R3HDM2: variants seen among roughly 807,000 people sequenced by gnomAD.
R3HDM2 encodes the protein R3H domain-containing protein 2.
R3HDM2 carries 38 observed loss-of-function variants against 124.5 expected under a neutral mutation model. The ratio of observed to expected loss-of-function variants is 0.31; its 90% CI spans 0.24 to 0.40. The LOEUF (loss-of-function observed/expected upper bound fraction) is 0.40, where lower values mean the gene tolerates loss of function less well. Among genes scored for constraint, R3HDM2 ranks in the 10% least tolerant of loss-of-function variants. The probability of loss-of-function intolerance (pLI) is 1.00; values close to 1 mark genes in which losing one functional copy is unlikely to be tolerated. For missense variants in R3HDM2, 869 were observed against 1,236.9 expected, an observed-to-expected ratio of 0.70 and a Z score of 4.46; for synonymous variants, 391 against 448.0, an observed-to-expected ratio of 0.87 and a Z score of 1.61.
At chr12:57,381,047 T>C (rs1381428805) in intron 2 of R3HDM2, among the ~76,000 whole-genome samples, 3 of 151,396 alleles carry the variant, frequency 2.0e-5, no homozygotes, top group African/African-American at 7.3e-5. Flanking sequence ...CTGGCTAACA[T>C]GGTGAAACCC....
chr12:57,289,237 A>G (rs1362265198), intron 11 of R3HDM2, among the ~76,000 whole-genome samples, 197 bp from the exon 12 acceptor site: 1 of 152,182 alleles, frequency 6.6e-6, no homozygotes, highest in African/African-American at 2.4e-5. Flanking sequence ...GAGAAAGAAC[A>G]TCTGGTGGTT....
chr12:57,301,708 C>T (rs1452749713), intron 4 of R3HDM2, among the ~76,000 whole-genome samples: 1 of 152,214 alleles, frequency 6.6e-6, no homozygotes, highest in Non-Finnish European at 1.5e-5. Context: ...TCTTGGCCTT[C>T]TTCAAACTCA....
intron 12 of R3HDM2, among the ~76,000 whole-genome samples, chr12:57,287,051 G>C (rs551636927): frequency 6.6e-6 from 1 of 152,314 alleles, no homozygotes; most frequent in African/African-American, 2.4e-5. Context: ...ACTAAGAGAG[G>C]AAGGGGTGAC....
chr12:57,379,254 A>T (rs760681009), intron 2 of R3HDM2, among the ~76,000 whole-genome samples: 53 of 152,288 alleles, frequency 3.5e-4, no homozygotes, highest in South Asian at 1.2e-3. Context: ...TAAGATGGCA[A>T]ATTCTGTTAT....
intron 2 of R3HDM2, among the ~76,000 whole-genome samples, chr12:57,374,476 G>A (rs920056319): frequency 4.0e-5 from 6 of 149,360 alleles, no homozygotes; most frequent in South Asian, 2.1e-4. Context: ...GAGGTCAGGA[G>A]TTCGAGACCA....
chr12:57,364,676 G>A (rs113183920), intron 2 of R3HDM2, among the ~76,000 whole-genome samples: 1 of 150,844 alleles, frequency 6.6e-6, no homozygotes, highest in African/African-American at 2.4e-5. Context: ...GACACCAGGC[G>A]GGGCGCAGTG....
At chr12:57,368,187 C>G (rs992172865) in intron 2 of R3HDM2, among the ~76,000 whole-genome samples, 11 of 151,988 alleles carry the variant, frequency 7.2e-5, no homozygotes, top group African/African-American at 2.7e-4. Flanking sequence ...GAAGCTCTAT[C>G]AACTTGGATC....
At chr12:57,319,220 G>T (rs1200223751) in intron 2 of R3HDM2, among the ~76,000 whole-genome samples, 2 of 152,138 alleles carry the variant, frequency 1.3e-5, no homozygotes, top group Non-Finnish European at 2.9e-5. Flanking sequence ...ACTTTTAGTA[G>T]AGAAGGGGTT....
chr12:57,306,614 T>C (rs1379611007), intron 3 of R3HDM2, among the ~76,000 whole-genome samples: 2 of 152,252 alleles, frequency 1.3e-5, no homozygotes, highest in East Asian at 3.9e-4. Context: ...TTTCACCATG[T>C]TGGCCAGGAT....
At position 57,258,932 on chromosome 12, in the gene R3HDM2, C is replaced by A; in HGVS notation, c.2259G>T (p.Gly753=). The change falls in exon 20 of 24, where the codon GGG becomes GGT. Residue 753 remains glycine (G), a synonymous_variant. Coordinates refer to ENST00000402412, the MANE Select transcript of R3HDM2 (RefSeq NM_001394031.1). ...GACTGTACAGGTCTCCAGGCTTCTG[C>A]CCCCGCTGGTCCATGCTGTAGTATT... The part of the protein sequence containing the change: ...HCKYYSMDQR[G]QKPGDLYSPD... The A allele has an allele frequency of 6.2e-7, 1 of 1,611,252 alleles. No individual in the cohort carries two copies. The highest frequency in any genetic ancestry group is 8.5e-7 in the Non-Finnish European group (1 of 1,179,388).
chr12:57,303,043 A>G (rs551705676), intron 4 of R3HDM2, 133 bp downstream of exon 4: 3 of 789,178 alleles, frequency 3.8e-6, no homozygotes, highest in South Asian at 3.2e-5. Flanking sequence ...ACGCAGGTTC[A>G]CAATTGGGGT....
chr12:57,313,408 T>A (rs548429399), intron 2 of R3HDM2, among the ~76,000 whole-genome samples: 32 of 151,504 alleles, frequency 2.1e-4, no homozygotes, highest in South Asian at 6.3e-4. Flanking sequence ...AAATTTTTTT[T>A]AAAAAATTAG....
Position 57,266,789 on chromosome 12 carries a change from G to T in R3HDM2, c.2073C>A (p.Tyr691Ter). ...AGGGAGAGGGAGACTGAGGCATCTG[G>T]TACTGCTCAGAGCCAGGGGGTTGCA... ...GFLQPPGSEQ[Y>*]QMPQSPSPCS... Residue 691 changes from tyrosine to a stop codon, truncating the protein, a stop_gained, in exon 19 of 24, where the codon TAC (tyrosine) becomes TAA (stop). Transcript: ENST00000402412. LOFTEE classifies it high-confidence loss of function. 6.2e-7 allele frequency: 1 copy of T among 1,611,014 alleles called. No homozygotes were observed. The highest frequency in any genetic ancestry group is 8.5e-7 in the Non-Finnish European group (1 of 1,177,372).
intron 1 of R3HDM2, among the ~76,000 whole-genome samples, chr12:57,410,173 A>G (rs2068878873): frequency 6.6e-6 from 1 of 152,100 alleles, no homozygotes; most frequent in South Asian, 2.1e-4. Flanking sequence ...TTGTATGTGT[A>G]ATCTTACTCT....
At chr12:57,351,485 T>C (rs1239330250) in intron 2 of R3HDM2, among the ~76,000 whole-genome samples, 1 of 152,190 alleles carries the variant, frequency 6.6e-6, no homozygotes, top group Non-Finnish European at 1.5e-5. Flanking sequence ...GTATGTGCCA[T>C]TTCTATAGCA....
Position 57,296,625 on chromosome 12 carries a change from A to G in R3HDM2, c.561-74T>C. 6.9e-7 allele frequency: 1 copy of G among 1,454,352 alleles called. No homozygotes were observed. The highest frequency in any genetic ancestry group is 9.3e-7 in the Non-Finnish European group (1 of 1,070,412). 90.1% of individuals were successfully genotyped at this position (1,454,352 alleles called of 1,614,324 possible). A position where few individuals can be genotyped will look rare whatever the true frequency, so the allele number is the denominator to read the frequency against. ...ATAACAACCAATTTTAATTTTTCTTACAAGTGTCTAAAGTGGAAAGTTTCT... is the reference window on the plus strand; with the variant it reads ...ATAACAACCAATTTTAATTTTTCTTGCAAGTGTCTAAAGTGGAAAGTTTCT... On this transcript the variant is annotated intron_variant, in intron 8 of 23. Coordinates refer to ENST00000402412, the MANE Select transcript of R3HDM2 (RefSeq NM_001394031.1). This position sits in a 1 kb window ranked among gnomAD's most constrained non-coding sequence, Gnocchi z 4.5.
At chr12:57,334,005 C>CT (rs1228725390) in intron 2 of R3HDM2, among the ~76,000 whole-genome samples, 32 of 151,994 alleles carry the variant, frequency 2.1e-4, no homozygotes, top group African/African-American at 7.5e-4. Flanking sequence ...CGCCACTGCA[C>CT]TCCAGCCTGG....
chr12:57,374,820 C>T (rs866603591), intron 2 of R3HDM2, among the ~76,000 whole-genome samples: 3 of 150,456 alleles, frequency 2.0e-5, no homozygotes, highest in Non-Finnish European at 4.4e-5. Flanking sequence ...GGTGAAACCC[C>T]GTCTCTACTA....
At chr12:57,309,028 T>C (rs2053357373) in intron 3 of R3HDM2, among the ~76,000 whole-genome samples, 1 of 152,176 alleles carries the variant, frequency 6.6e-6, no homozygotes, top group Non-Finnish European at 1.5e-5. Flanking sequence ...CAGAGACTGG[T>C]GAATTGTAAG....
Sources: allele counts gnomAD v4.1 joint callset (sites outside exome capture counted in the v4.1 genomes callset), GRCh38; gene constraint gnomAD v4.1.1; non-coding constraint Gnocchi (gnomAD v3.1); transcripts MANE v1.5; gene names NCBI Gene and HGNC (gene_info 2026-07-23, HGNC 2026-07-21).